The following CHN2 variants were observed in gnomAD, a reference collection of about 807,000 sequenced individuals.
CHN2 encodes the protein chimerin 2.
In CHN2, 35 loss-of-function variants were observed where a neutral mutation model predicts 56.3. The ratio of observed to expected loss-of-function variants is 0.62; its 90% CI spans 0.47 to 0.82. CHN2 has a LOEUF of 0.82. Among genes scored for constraint, CHN2 ranks in the 40% least tolerant of loss-of-function variants. The pLI, the probability that CHN2 is intolerant of heterozygous loss-of-function variation, is 0.00. For synonymous variants in CHN2, 210 were observed against 212.8 expected, an observed-to-expected ratio of 0.99 and a Z score of 0.12; for missense variants, 491 against 580.5, an observed-to-expected ratio of 0.85 and a Z score of 1.58.
At chr7:29,222,520 G>C (rs560660564) in intron 1 of CHN2, among the ~76,000 whole-genome samples, 140 of 138,168 alleles carry the variant, frequency 1.0e-3, no homozygotes, top group Non-Finnish European at 1.8e-3. Context: ...GAATGGAATA[G>C]AGAACTCAGA....
At chr7:29,212,837 TC>T (rs1182764347) in intron 1 of CHN2, 7 of 1,608,714 alleles carry the variant, frequency 4.4e-6, no homozygotes, top group Non-Finnish European at 6.0e-6. Flanking sequence ...CCACTACTCT[TC>T]CTACCACCAG....
At chr7:29,417,964 G>C (rs1803944443) in intron 6 of CHN2, among the ~76,000 whole-genome samples, 1 of 152,188 alleles carries the variant, frequency 6.6e-6, no homozygotes, top group Non-Finnish European at 1.5e-5. Flanking sequence ...GCACATGTGA[G>C]GCTGGAGAGT....
chr7:29,504,778 G>T lies in CHN2; in HGVS notation c.948G>T (p.Gly316=). The T allele has an allele frequency of 1.2e-6, 2 of 1,613,082 alleles. No homozygotes were observed. The highest frequency in any genetic ancestry group is 1.7e-6 in the Non-Finnish European group (2 of 1,179,714). The part of the protein sequence containing the change: ...LKSEGLYRVS[G]FTEHIEDVKM... ...CGGAAGGCCTTTACAGAGTCTCTGG[G>T]TTCACTGAACACATTGAAGATGTCA... Residue 316 remains glycine, a synonymous_variant, in exon 10 of 13, where the codon GGG becomes GGT. Transcript: ENST00000222792.
At chr7:29,241,569 G>A (rs1245945789) in intron 1 of CHN2, among the ~76,000 whole-genome samples, 1 of 152,134 alleles carries the variant, frequency 6.6e-6, no homozygotes. Context: ...AGCCTACCAG[G>A]CAGACCATGG....
At chr7:29,324,802 A>T (rs1430381654) in intron 1 of CHN2, among the ~76,000 whole-genome samples, 1 of 152,200 alleles carries the variant, frequency 6.6e-6, no homozygotes, top group East Asian at 1.9e-4. Context: ...TTTCTTGTAA[A>T]TATAGGGAAG....
At chr7:29,484,524 C>T (rs371312162) in intron 7 of CHN2, among the ~76,000 whole-genome samples, 43 of 152,210 alleles carry the variant, frequency 2.8e-4, no homozygotes, top group African/African-American at 1.0e-3. Context: ...AGACACACCA[C>T]TCCAATCTCT....
chr7:29,465,365 TA>T (rs1785476225), intron 6 of CHN2, among the ~76,000 whole-genome samples: 1 of 152,236 alleles, frequency 6.6e-6, no homozygotes, highest in South Asian at 2.1e-4. Context: ...ATCATCTGCA[TA>T]ATCATGAAAG....
At chr7:29,419,499 A>T (rs1409527112) in intron 6 of CHN2, among the ~76,000 whole-genome samples, 1 of 152,180 alleles carries the variant, frequency 6.6e-6, no homozygotes, top group Non-Finnish European at 1.5e-5. Flanking sequence ...TATCAAACTT[A>T]AAATTTTCTA....
intron 2 of CHN2, among the ~76,000 whole-genome samples, chr7:29,189,076 G>A (rs898719679): frequency 2.0e-5 from 3 of 150,434 alleles, no homozygotes; most frequent in Admixed American, 1.3e-4. Context: ...TCAGCCTCCC[G>A]AGTAGCTGAC....
chr7:29,382,937 G>T (rs1021522053), intron 3 of CHN2, among the ~76,000 whole-genome samples: 4 of 152,142 alleles, frequency 2.6e-5, no homozygotes, highest in African/African-American at 9.7e-5. Flanking sequence ...GGAACATGAA[G>T]AACTGAGGGG....
intron 1 of CHN2, among the ~76,000 whole-genome samples, chr7:29,232,114 C>G (rs996227843): frequency 2.0e-5 from 3 of 152,122 alleles, no homozygotes; most frequent in Admixed American, 2.0e-4. Context: ...TGAGAAAGGC[C>G]AGAGAGGAAA....
At chr7:29,200,139 CAG>C (rs536742739) in intron 1 of CHN2, 1 of 152,162 alleles carries the variant, frequency 6.6e-6, no homozygotes, top group African/African-American at 2.4e-5. Flanking sequence ...AAGGCAAACA[CAG>C]AGAAAAAGAC....
intron 4 of CHN2, 65 bp from the exon 5 acceptor site, chr7:29,398,308 T>C: frequency 8.1e-7 from 1 of 1,238,050 alleles, no homozygotes; most frequent in South Asian, 1.2e-5. Flanking sequence ...CTTTTAAGGC[T>C]AGTTCTTTGT....
At chr7:29,194,771 A>C, upstream of CHN2, 1 of 482,714 alleles carries the variant, frequency 2.1e-6, no homozygotes, top group Admixed American at 4.5e-5. Flanking sequence ...GCAGCGCGTC[A>C]TCTGGTGGAG....
intron 6 of CHN2, among the ~76,000 whole-genome samples, chr7:29,453,364 A>C (rs1466464371): frequency 3.9e-5 from 6 of 152,154 alleles, no homozygotes; most frequent in Non-Finnish European, 8.8e-5. Flanking sequence ...TGGGGAGATA[A>C]TGAAACTACT....
intron 1 of CHN2, among the ~76,000 whole-genome samples, chr7:29,351,413 G>A (rs1797878590): frequency 6.6e-6 from 1 of 152,194 alleles, no homozygotes; most frequent in Non-Finnish European, 1.5e-5. Context: ...TGCTTTTATG[G>A]AGTTTGGCTA....
chr7:29,183,670 C>T (rs1019573591), intron 2 of CHN2, among the ~76,000 whole-genome samples: 15 of 152,090 alleles, frequency 9.9e-5, no homozygotes, highest in Non-Finnish European at 1.9e-4. Flanking sequence ...AGCCACCACA[C>T]CTGGCCCAGA....
rs1804003330 is a variant in CHN2 at position 29,418,465 on chromosome 7, A to G, written c.576+17637A>G. Among the ~76,000 whole-genome samples, 3 of 152,268 alleles carry G rather than the reference A, an allele frequency of 2.0e-5. No individual in the cohort carries two copies. The South Asian group carries it at 6.2e-4, about 31-fold the overall frequency. ...TGCCTTTATTGGGATGCTTTAAAGA[A>G]ATCCTAATTCCATAGTTAGCTGAGC... On this transcript the variant is annotated intron_variant, in intron 6 of 12. Coordinates refer to ENST00000222792, the MANE Select transcript of CHN2 (RefSeq NM_004067.4).
At chr7:29,220,899 G>T (rs1203673360) in intron 1 of CHN2, among the ~76,000 whole-genome samples, 18 of 152,126 alleles carry the variant, frequency 1.2e-4, no homozygotes, top group Admixed American at 1.2e-3. Context: ...AGCAAATCAA[G>T]TTCAGGGATA....
Sources: gnomAD v4.1 joint callset for allele counts (sites outside exome capture counted in the v4.1 genomes callset) on GRCh38, gnomAD v4.1.1 for gene constraint, MANE v1.5 for transcripts, NCBI Gene and HGNC (gene_info 2026-07-23, HGNC 2026-07-21) for gene names.